Variants in ABI1 observed in about 807,000 individuals in gnomAD.
The protein encoded by ABI1 is abl interactor 1, also known as Abelson interactor 1.
A neutral mutation model predicts 54.6 loss-of-function variants in ABI1; 14 were observed. The ratio of observed to expected loss-of-function variants is 0.26; its 90% confidence interval spans 0.17 to 0.40. The LOEUF is 0.40. Among genes scored for constraint, ABI1 ranks in the 10% least tolerant of loss-of-function variants. ABI1 has a pLI of 1.00. For synonymous variants in ABI1, 194 were observed against 209.3 expected (o/e 0.93, Z 0.63); for missense variants, 443 against 598.3 (o/e 0.74, Z 2.71).
intron 1 of ABI1, among the ~76,000 whole-genome samples, chr10:26,829,116 C>T (rs2048498977): frequency 6.6e-6 from 1 of 151,918 alleles, no homozygotes; most frequent in African/African-American, 2.4e-5. Context: ...GTCCCAGCTA[C>T]TCGGGAGGCT....
At chr10:26,775,754 C>T (rs1366046443) in intron 3 of ABI1, among the ~76,000 whole-genome samples, 1 of 152,114 alleles carries the variant, frequency 6.6e-6, no homozygotes. Context: ...ATATTCACTA[C>T]TAAGACAATG....
chr10:26,827,978 T>C (rs1477894385), intron 1 of ABI1, among the ~76,000 whole-genome samples: 1 of 152,238 alleles, frequency 6.6e-6, no homozygotes, highest in Non-Finnish European at 1.5e-5. Flanking sequence ...ATTCACAACT[T>C]AGCTAAAGTT....
intron 1 of ABI1, among the ~76,000 whole-genome samples, chr10:26,834,883 A>C (rs1159439649): frequency 6.6e-6 from 1 of 152,080 alleles, no homozygotes; most frequent in Non-Finnish European, 1.5e-5. Flanking sequence ...CGGGCAAATC[A>C]CTTGAGGTCA....
In ABI1 at chr10:26,800,004, TAAAA is replaced by T. The variant is rs56949695; in HGVS notation, c.286-22767_286-22764del. 5.6e-3 allele frequency among the ~76,000 whole-genome samples: 701 copies of T among 124,732 alleles called. 8 individuals are homozygous for T. The highest frequency in any genetic ancestry group is 0.012 in the Middle Eastern group (3 of 248). The allele number at this position is 124,732 out of a possible 152,430, so 81.8% of individuals were successfully genotyped here. A position where few individuals can be genotyped will look rare whatever the true frequency, so the allele number is the denominator to read the frequency against. ...TTTTACAATATAAACCACAAAAACG[TAAAA>T]AAAAAAAAAAAAAAAAATTAAGACA... On this transcript the variant is annotated intron_variant, in intron 2 of 10. Transcript: ENST00000376140.
At chr10:26,803,804 C>T (rs1181678548) in intron 2 of ABI1, among the ~76,000 whole-genome samples, 1 of 152,116 alleles carries the variant, frequency 6.6e-6, no homozygotes, top group African/African-American at 2.4e-5. Context: ...CAACTCCTTG[C>T]CAGGCCCTAT....
chr10:26,833,636 T>C (rs1255768513), intron 1 of ABI1, among the ~76,000 whole-genome samples: 1 of 152,190 alleles, frequency 6.6e-6, no homozygotes, highest in East Asian at 1.9e-4. Flanking sequence ...CAAGTTATCT[T>C]CTCATATAAT....
chr10:26,805,038 C>T (rs115761654), intron 2 of ABI1, among the ~76,000 whole-genome samples: 66 of 152,258 alleles, frequency 4.3e-4, no homozygotes, highest in African/African-American at 1.5e-3. Flanking sequence ...GACGGTGTTC[C>T]TATTAGGCAG....
chr10:26,855,018 C>T (rs1253614288), intron 1 of ABI1, among the ~76,000 whole-genome samples: 1 of 138,964 alleles, frequency 7.2e-6, no homozygotes, highest in African/African-American at 2.9e-5. Context: ...ATCAACATGA[C>T]ACAAAAATAA....
intron 1 of ABI1, among the ~76,000 whole-genome samples, chr10:26,837,815 A>T (rs1428791109): frequency 6.7e-6 from 1 of 149,248 alleles, no homozygotes; most frequent in Non-Finnish European, 1.5e-5. Flanking sequence ...GGGTTTCCTC[A>T]TGTTGCCCAG....
At chr10:26,798,016 C>T (rs939066203) in intron 2 of ABI1, among the ~76,000 whole-genome samples, 1 of 152,006 alleles carries the variant, frequency 6.6e-6, no homozygotes, top group African/African-American at 2.4e-5. Flanking sequence ...TTTAAAGATG[C>T]TATGAAAGCA....
intron 1 of ABI1, among the ~76,000 whole-genome samples, chr10:26,836,238 G>A (rs568179737): frequency 4.6e-4 from 70 of 151,602 alleles, no homozygotes; most frequent in African/African-American, 1.5e-3. Flanking sequence ...TCAGCCTCCC[G>A]AGTAGCTGGG....
At chr10:26,818,743 G>A (rs1261388758) in intron 2 of ABI1, among the ~76,000 whole-genome samples, 1 of 151,572 alleles carries the variant, frequency 6.6e-6, no homozygotes, top group Non-Finnish European at 1.5e-5. Flanking sequence ...TGTAATCCCA[G>A]TACTCTGGGA....
intron 2 of ABI1, among the ~76,000 whole-genome samples, chr10:26,779,066 G>C (rs997055878): frequency 3.3e-5 from 5 of 152,012 alleles, no homozygotes; most frequent in Admixed American, 2.6e-4. Context: ...ATGAAATTGT[G>C]GTAGGCTAAC....
intron 2 of ABI1, among the ~76,000 whole-genome samples, chr10:26,784,967 T>C (rs915175334): frequency 3.6e-4 from 55 of 152,326 alleles, no homozygotes; most frequent in African/African-American, 1.3e-3. Flanking sequence ...GCCACCTGGC[T>C]CTCTTAGGTA....
At chr10:26,789,385 A>G (rs1564502400) in intron 2 of ABI1, among the ~76,000 whole-genome samples, 1 of 152,246 alleles carries the variant, frequency 6.6e-6, no homozygotes, top group Non-Finnish European at 1.5e-5. Context: ...CTTTTAAAGC[A>G]TGAATACATA....
chr10:26,774,678 A>G (rs1841157845), intron 3 of ABI1, among the ~76,000 whole-genome samples: 1 of 152,150 alleles, frequency 6.6e-6, no homozygotes, highest in Non-Finnish European at 1.5e-5. Context: ...TACTATTTAA[A>G]TAAAACCCAG....
At chr10:26,761,687 CT>C (rs1839249019) in intron 7 of ABI1, among the ~76,000 whole-genome samples, 1 of 108,784 alleles carries the variant, frequency 9.2e-6, no homozygotes, top group African/African-American at 3.6e-5. Context: ...CATATATAAC[CT>C]TAAACAATAC....
chr10:26,764,082 G>C (rs190033938), intron 7 of ABI1: 186 of 615,210 alleles, frequency 3.0e-4, no homozygotes, highest in Admixed American at 2.3e-3. Context: ...TGTAAAGCAT[G>C]CTCAAATGAG....
intron 3 of ABI1, among the ~76,000 whole-genome samples, chr10:26,775,625 T>C (rs1841302904): frequency 6.6e-6 from 1 of 152,122 alleles, no homozygotes; most frequent in Non-Finnish European, 1.5e-5. Flanking sequence ...TACGATGAAA[T>C]AGTTAAATTT....
Sources: allele counts gnomAD v4.1 joint callset (sites outside exome capture counted in the v4.1 genomes callset), GRCh38; gene constraint gnomAD v4.1.1; transcripts MANE v1.5; gene names NCBI Gene and HGNC (gene_info 2026-07-23, HGNC 2026-07-21).